ZNF652: variants seen among roughly 807,000 people sequenced by gnomAD.
ZNF652 encodes the protein zinc finger protein 652.
A neutral mutation model predicts 45.2 loss-of-function variants in ZNF652; 16 were observed. The observed-to-expected ratio is 0.35, with a 90% CI of 0.24 to 0.54. The LOEUF is 0.54. ZNF652 is among the 20% of genes least tolerant of loss of function. ZNF652 has a pLI of 0.91. For missense variants in ZNF652, 614 were observed against 765.6 expected, an observed-to-expected ratio of 0.80 and a Z score of 2.34; for synonymous variants, 250 against 260.6, an observed-to-expected ratio of 0.96 and a Z score of 0.39.
Position 49,298,248 on chromosome 17 carries a change from A to G in ZNF652, c.*165T>C, listed in dbSNP as rs1239600705. On this transcript the variant is annotated 3_prime_UTR_variant, in exon 6 of 6. Transcript: ENST00000430262. The stretch of plus-strand genomic sequence containing the variant: ...GACAGTCCCTCTGTGAGCTCAAGGT[A>G]GTCTTCTTGTTCATTCCCTTGGATC... 1 of 836,124 alleles carries G rather than the reference A, an allele frequency of 1.2e-6. No individual in the cohort carries two copies. The highest frequency in any genetic ancestry group is 1.7e-5 in the African/African-American group (1 of 58,244). 51.8% of individuals were successfully genotyped at this position (836,124 alleles called of 1,614,324 possible).
intron 1 of ZNF652, among the ~76,000 whole-genome samples, chr17:49,347,735 GTTTTGTTTTT>G (rs1348166140): frequency 2.4e-5 from 3 of 124,410 alleles, no homozygotes; most frequent in Non-Finnish European, 3.2e-5. Context: ...TTGAACCTTG[GTTTTGTTTTT>G]TTTTTTTTTT....
Position 49,358,322 on chromosome 17 carries a change from C to T in ZNF652, c.-259+3587G>A, listed in dbSNP as rs570322457. ...ACCTCTATCGAAGTAAATTCAAGTG[C>T]TGATTGTCAGAAATGATGACAACAC... On this transcript the variant is annotated intron_variant, in intron 1 of 5. Coordinates refer to ENST00000430262, the MANE Select transcript of ZNF652 (RefSeq NM_001145365.3). Among the ~76,000 whole-genome samples, 5 of 152,268 alleles carry T rather than the reference C, an allele frequency of 3.3e-5. No individual in the cohort carries two copies. In the South Asian group the frequency reaches 1.0e-3, roughly 32 times the overall value.
At chr17:49,351,857 CAT>C (rs1226327888) in intron 1 of ZNF652, among the ~76,000 whole-genome samples, 1 of 152,062 alleles carries the variant, frequency 6.6e-6, no homozygotes, top group Non-Finnish European at 1.5e-5. Flanking sequence ...TGCCATGGCA[CAT>C]GTCTGTAAGC....
intron 1 of ZNF652, among the ~76,000 whole-genome samples, chr17:49,354,422 C>G (rs2070313094): frequency 6.6e-6 from 1 of 151,790 alleles, no homozygotes; most frequent in African/African-American, 2.4e-5. Flanking sequence ...AAGCTATTTT[C>G]CAAGATAATT....
intron 1 of ZNF652, among the ~76,000 whole-genome samples, chr17:49,345,819 C>T (rs1247827849): frequency 2.2e-5 from 3 of 138,810 alleles, no homozygotes; most frequent in African/African-American, 8.0e-5. Context: ...CCAGCCTGGG[C>T]GAAAGAGCGA....
chr17:49,328,570 T>TTACATGAGATCTGGTTAAGACTGTGGC (rs1488856933), intron 1 of ZNF652, among the ~76,000 whole-genome samples: 3 of 152,108 alleles, frequency 2.0e-5, no homozygotes, highest in Non-Finnish European at 4.4e-5. Context: ...TGCTCTGAGT[T>TTACATGAGATCTGGTTAAGACTGTGGC]TACATGAGAT....
At position 49,362,072 on chromosome 17, in the gene ZNF652, T is replaced by TCGGCCG. The variant is rs1364410075; in HGVS notation, c.-428_-423dup. On this transcript the variant is annotated 5_prime_UTR_variant, in exon 1 of 6. Coordinates refer to ENST00000430262, the MANE Select transcript of ZNF652 (RefSeq NM_001145365.3). ...TCAGGGCCGCTCCTCAGACCCGGCC[T>TCGGCCG]CGGCCGCTGCCGCTGCCGCCGCAGC... 42 of 147,350 alleles carry TCGGCCG rather than the reference T, an allele frequency of 2.9e-4. No individual in the cohort carries two copies. Among genetic ancestry groups the TCGGCCG allele is most frequent in the Admixed American group, 2.8e-3 (42 of 14,920 alleles). The allele number at this position is 147,350 out of a possible 1,614,324, so 9.1% of individuals were successfully genotyped here.
At chr17:49,303,654 T>C (rs1470906127) in intron 5 of ZNF652, among the ~76,000 whole-genome samples, 1 of 152,130 alleles carries the variant, frequency 6.6e-6, no homozygotes, top group Non-Finnish European at 1.5e-5. Context: ...GTTAGTATTC[T>C]TCACACCTAG....
At chr17:49,350,594 G>A (rs1184467354) in intron 1 of ZNF652, among the ~76,000 whole-genome samples, 1 of 151,394 alleles carries the variant, frequency 6.6e-6, no homozygotes, top group East Asian at 1.9e-4. Flanking sequence ...CATAAACTAT[G>A]TTATAATCAC....
At chr17:49,300,946 G>A (rs1195895379) in intron 5 of ZNF652, among the ~76,000 whole-genome samples, 1 of 152,164 alleles carries the variant, frequency 6.6e-6, no homozygotes, top group Non-Finnish European at 1.5e-5. Flanking sequence ...AAAATCTGCA[G>A]CCTGGTTCTA....
At position 49,317,620 on chromosome 17, in the gene ZNF652, A is replaced by G; in HGVS notation, c.106T>C (p.Phe36Leu). ...AGTTCTTGGTTGGCACCATGATAAA[A>G]GGAAGATGGCACTTGACCACGACGG... is the stretch of plus-strand genomic sequence containing the variant. ...DSRRGQVPSS[F>L]YHGANQELDL... Residue 36 changes from phenylalanine to leucine, a missense_variant, in exon 2 of 6, where the codon TTT (phenylalanine) becomes CTT (leucine). Physicochemically the swap from Phe to Leu is conservative, Grantham distance 22. Around this residue, in one of 5 missense-constraint regions of ZNF652, gnomAD observed 133 missense variants for 132.2 expected, o/e 1.01. Coordinates refer to ENST00000430262, the MANE Select transcript of ZNF652 (RefSeq NM_001145365.3). 6.2e-7 allele frequency: 1 copy of G among 1,614,124 alleles called. No homozygotes were observed. Among genetic ancestry groups the G allele is most frequent in the Non-Finnish European group, 8.5e-7 (1 of 1,179,994 alleles).
intron 1 of ZNF652, among the ~76,000 whole-genome samples, chr17:49,347,735 G>GT (rs1567698709): frequency 3.3e-4 from 41 of 124,416 alleles, no homozygotes; most frequent in East Asian, 7.2e-4. Flanking sequence ...TTGAACCTTG[G>GT]TTTTGTTTTT....
rs529269137 is a variant in ZNF652 at position 49,290,896 on chromosome 17, C to T, written c.*7517G>A. 33 of 152,266 alleles carry T rather than the reference C, an allele frequency of 2.2e-4. No individual in the cohort carries two copies. The highest frequency in any genetic ancestry group is 3.4e-3 in the Middle Eastern group (1 of 294). 9.4% of individuals were successfully genotyped at this position (152,266 alleles called of 1,614,324 possible). On this transcript the variant is annotated 3_prime_UTR_variant, in exon 6 of 6. Transcript: ENST00000430262. ...TTTAGAAGGTTGAGAATAAAGCTAA[C>T]GTACTTTATTGCTCCCTTGTGGACA...
chr17:49,348,479 A>AGAAAG (rs2070231460), intron 1 of ZNF652, among the ~76,000 whole-genome samples: 1 of 111,874 alleles, frequency 8.9e-6, no homozygotes, highest in Admixed American at 1.0e-4. Context: ...CCTTGCCTCA[A>AGAAAG]AAAAGAAAAG....
rs562271266 is a variant in ZNF652, at chr17:49,290,111, G to A, written c.*8302C>T. 2.0e-5 allele frequency: 3 copies of A among 152,350 alleles called. No homozygotes were observed. Among genetic ancestry groups the A allele is most frequent in the East Asian group, 3.9e-4 (2 of 5,190 alleles). The allele number at this position is 152,350 out of a possible 1,614,324, so 9.4% of individuals were successfully genotyped here. On this transcript the variant is annotated 3_prime_UTR_variant, in exon 6 of 6. Coordinates refer to ENST00000430262, the MANE Select transcript of ZNF652 (RefSeq NM_001145365.3). ...GTTTTGTTTTTTGTCAAGTGTTGGA[G>A]TTACAAGTAGACACCTCTCTGTGCC...
chr17:49,298,561 T>G lies in ZNF652; in HGVS notation c.1673A>C (p.His558Pro). ...SHLHIHPHPH[H>P]PHHLPIPPVP... ...TGGAGGGATGGGAAGGTGGTGTGGG[T>G]GGTGAGGGTGTGGGTGGATGTGCAG... The change falls in exon 6 of 6, where the codon CAC becomes CCC. Residue 558 changes from histidine to proline, a missense_variant. Around this residue, in one of 5 missense-constraint regions of ZNF652, gnomAD observed 132 missense variants for 137.2 expected, o/e 0.96. Transcript: ENST00000430262. 6.3e-7 allele frequency: 1 copy of G among 1,592,232 alleles called. No homozygotes were observed. The highest frequency in any genetic ancestry group is 1.5e-5 in the African/African-American group (1 of 68,560).
chr17:49,327,815 A>C (rs1481143664), intron 1 of ZNF652, among the ~76,000 whole-genome samples: 2 of 103,214 alleles, frequency 1.9e-5, no homozygotes, highest in Non-Finnish European at 4.0e-5. Flanking sequence ...ATAGGGTTTC[A>C]CCATGTTGTC....
Position 49,317,711 on chromosome 17 carries a change from G to C in ZNF652, c.15C>G (p.Ala5=). The C allele has an allele frequency of 6.3e-7, 1 of 1,588,654 alleles. No homozygotes were observed. The highest frequency in any genetic ancestry group is 8.6e-7 in the Non-Finnish European group (1 of 1,162,294). The part of the protein sequence containing the change: MSHT[A]SSCQELVENC... ...TTTCAACCAGCTCCTGACAAGAACT[G>C]GCTGTGTGGCTCATTGGTAAGTGGC... Residue 5 remains alanine (A), a synonymous_variant, in exon 2 of 6, where the codon GCC becomes GCG. Coordinates refer to ENST00000430262, the MANE Select transcript of ZNF652 (RefSeq NM_001145365.3).
At chr17:49,302,540 G>A (rs2069568285) in intron 5 of ZNF652, among the ~76,000 whole-genome samples, 1 of 151,684 alleles carries the variant, frequency 6.6e-6, no homozygotes, top group African/African-American at 2.4e-5. Flanking sequence ...TGCCCGCCTC[G>A]GCCTCCCAAA....
Sources: gnomAD v4.1 joint callset for allele counts (sites outside exome capture counted in the v4.1 genomes callset) on GRCh38, gnomAD v4.1.1 for gene constraint, gnomAD v4.1.1 regional missense constraint, MANE v1.5 for transcripts, NCBI Gene and HGNC (gene_info 2026-07-23, HGNC 2026-07-21) for gene names.